ZNF550: variants seen among roughly 807,000 people sequenced by gnomAD.
ZNF550 encodes zinc finger protein 550.
In ZNF550, 42 loss-of-function variants were observed where a neutral mutation model predicts 40.2. The ratio of observed to expected loss-of-function variants is 1.05; its 90% CI spans 0.82 to 1.35. The LOEUF (loss-of-function observed/expected upper bound fraction) is 1.35, where lower values mean the gene tolerates loss of function less well. Ranked by LOEUF, ZNF550 falls within the 40% of genes most tolerant of loss-of-function variation. The pLI, the probability that ZNF550 is intolerant of heterozygous loss-of-function variation, is 0.00. For synonymous variants in ZNF550, 223 were observed against 198.6 expected (o/e 1.12, Z -1.03); for missense variants, 549 against 525.2 (o/e 1.05, Z -0.44).
chr19:57,549,775 G>C (rs1391348740), intron 3 of ZNF550, among the ~76,000 whole-genome samples: 1 of 152,172 alleles, frequency 6.6e-6, no homozygotes, highest in Non-Finnish European at 1.5e-5. Context: ...AGGAACAAAT[G>C]GTACAAAAGG....
chr19:57,556,887 A>T (rs908689617), intron 1 of ZNF550: 2 of 158,992 alleles, frequency 1.3e-5, no homozygotes, highest in African/African-American at 4.8e-5. Flanking sequence ...CTCAAGGTTT[A>T]ATGGAGTTAG....
At chr19:57,550,455 C>T (rs2123352175) in intron 3 of ZNF550, among the ~76,000 whole-genome samples, 1 of 152,240 alleles carries the variant, frequency 6.6e-6, no homozygotes, top group South Asian at 2.1e-4. Context: ...GAAACAGATC[C>T]TGATGTTTTC....
At chr19:57,550,521 T>G (rs116716743) in intron 3 of ZNF550, among the ~76,000 whole-genome samples, 1,920 of 152,318 alleles carry the variant, frequency 0.013, 36 homozygotes, top group African/African-American at 0.043. Context: ...GACACAATGA[T>G]GGTGAAAAGA....
intron 2 of ZNF550, 187 bp from the exon 3 acceptor site, chr19:57,552,909 CAT>C (rs1438008436): frequency 3.5e-6 from 2 of 566,290 alleles, no homozygotes; most frequent in African/African-American, 3.7e-5. Flanking sequence ...CCATAAAAAT[CAT>C]ATGTTGATGC....
exon 4 of ZNF550, chr19:57,547,511 T>C (rs747141721): frequency 3.1e-6 from 5 of 1,613,670 alleles, no homozygotes; most frequent in South Asian, 1.1e-5. Flanking sequence ...CGAATGAGAG[T>C]TGAGCTCTGG....
intron 2 of ZNF550, chr19:57,555,140 T>C (rs2090108273): frequency 6.6e-6 from 1 of 152,178 alleles, no homozygotes; most frequent in South Asian, 2.1e-4. Flanking sequence ...TTTGCTCTGG[T>C]AAGTGAGAAA....
At chr19:57,547,289 C>T in exon 4 of ZNF550, 2 of 1,614,096 alleles carry the variant, frequency 1.2e-6, no homozygotes, top group Non-Finnish European at 8.5e-7. Flanking sequence ...TTCTCACATT[C>T]TTTGCACTCA....
intron 3 of ZNF550, chr19:57,552,392 G>GGT: frequency 2.0e-6 from 1 of 493,442 alleles, no homozygotes; most frequent in Non-Finnish European, 3.6e-6. Flanking sequence ...CAGCTGGATT[G>GGT]AGCCAGAGCA....
exon 5 of ZNF550, chr19:57,543,126 A>G (rs1431829234): frequency 2.0e-6 from 1 of 511,864 alleles, no homozygotes; most frequent in African/African-American, 2.1e-5. Flanking sequence ...TTCTCTTCCA[A>G]ATCACTTCTG....
At chr19:57,551,830 C>T (rs1053384022) in intron 3 of ZNF550, among the ~76,000 whole-genome samples, 4 of 152,192 alleles carry the variant, frequency 2.6e-5, no homozygotes, top group Non-Finnish European at 5.9e-5. Flanking sequence ...CAGAGAAGGC[C>T]AAATGTCACC....
At chr19:57,551,611 G>C (rs1348484233) in intron 3 of ZNF550, among the ~76,000 whole-genome samples, 1 of 152,176 alleles carries the variant, frequency 6.6e-6, no homozygotes, top group Non-Finnish European at 1.5e-5. Flanking sequence ...TCTCTGAACT[G>C]AGTGTCTTTT....
At chr19:57,556,197 G>C (rs752712897) in intron 2 of ZNF550, 34 bp downstream of exon 2, 1 of 1,613,574 alleles carries the variant, frequency 6.2e-7, no homozygotes, top group Admixed American at 1.7e-5. Flanking sequence ...ATCAGGGTTA[G>C]GGTCCTCCTC....
intron 4 of ZNF550, chr19:57,543,969 A>T (rs999298562): frequency 6.4e-5 from 63 of 985,148 alleles, no homozygotes; most frequent in Non-Finnish European, 7.4e-5. Context: ...GTTTTACCTC[A>T]ATCATAAACT....
In ZNF550 at chr19:57,556,223, G is replaced by A. The variant is rs780982248; in HGVS notation, c.154+8C>T. 2 of 1,613,936 alleles carry A rather than the reference G, an allele frequency of 1.2e-6. No individual in the cohort carries two copies. Among genetic ancestry groups the A allele is most frequent in the East Asian group, 2.2e-5 (1 of 44,872 alleles). On this transcript the variant is annotated splice_region_variant and intron_variant, in intron 2 of 4. Coordinates refer to ENST00000457177, the Ensembl canonical transcript of ZNF550. The stretch of plus-strand genomic sequence containing the variant: ...GGTCCTCCTCAGGGATGAGAGGTGA[G>A]TCATTACCTAGTGAAACCAGAAGCC...
chr19:57,543,954 A>C (rs1477592044), intron 4 of ZNF550: 1 of 984,994 alleles, frequency 1.0e-6, no homozygotes, highest in East Asian at 1.1e-4. Flanking sequence ...CAAAACAAAA[A>C]ACATGTTTTA....
intron 2 of ZNF550, 61 bp from the exon 3 acceptor site, chr19:57,552,783 T>C: frequency 1.5e-6 from 2 of 1,308,226 alleles, no homozygotes; most frequent in African/African-American, 1.4e-5. Flanking sequence ...AGTCTCTCCA[T>C]CTTGCCTAGG....
exon 4 of ZNF550, chr19:57,547,670 T>C: frequency 6.2e-7 from 1 of 1,614,190 alleles, no homozygotes; most frequent in Admixed American, 1.7e-5. Flanking sequence ...AAGGCGTCTT[T>C]CCCTGGTTGC....
chr19:57,550,106 A>G lies in ZNF550; in HGVS notation c.251-2113T>C, dbSNP rs559299458. Among the ~76,000 whole-genome samples the G allele has an allele frequency of 4.6e-4, 70 of 152,332 alleles. No homozygotes were observed. The Middle Eastern group carries it at 0.01, about 22-fold the overall frequency. On this transcript the variant is annotated intron_variant, in intron 3 of 4. Transcript: ENST00000457177. Reference sequence around the variant, plus strand: ...TTTGGGTAATGCCAGTGACACTAGCAAGAACAACTTCAGTGCTGTGATCTG... The same window carrying G: ...TTTGGGTAATGCCAGTGACACTAGCGAGAACAACTTCAGTGCTGTGATCTG...
chr19:57,548,747 A>AT (rs981256827), intron 3 of ZNF550, among the ~76,000 whole-genome samples: 288 of 152,358 alleles, frequency 1.9e-3, no homozygotes, highest in African/African-American at 6.7e-3. Context: ...AAGAAAAAAA[A>AT]CATCAGTACA....
Sources: allele counts gnomAD v4.1 joint callset (sites outside exome capture counted in the v4.1 genomes callset), GRCh38; gene constraint gnomAD v4.1.1; transcripts MANE v1.5; gene names NCBI Gene and HGNC (gene_info 2026-07-23, HGNC 2026-07-21).